SLC35F3: variants seen among roughly 807,000 people sequenced by gnomAD.
SLC35F3 encodes the protein putative thiamine transporter SLC35F3.
In SLC35F3, 25 loss-of-function variants were observed where a neutral mutation model predicts 49.9. The ratio of observed to expected loss-of-function variants is 0.50; its 90% CI spans 0.37 to 0.70. SLC35F3 has a LOEUF of 0.70. SLC35F3 is among the 30% of genes least tolerant of loss of function. The pLI, the probability that SLC35F3 is intolerant of heterozygous loss-of-function variation, is 0.00. For missense variants in SLC35F3, 525 were observed against 639.8 expected (o/e 0.82, Z 1.94); for synonymous variants, 275 against 265.4 (o/e 1.04, Z -0.35).
chr1:234,298,834 G>A (rs1668646940), intron 3 of SLC35F3, among the ~76,000 whole-genome samples: 1 of 152,166 alleles, frequency 6.6e-6, no homozygotes. Flanking sequence ...ATAAAAGTTG[G>A]AGAAAATACT....
Position 234,214,751 on chromosome 1 carries a change from C to A in SLC35F3, c.284-16666C>A. 2 of 803,696 alleles carry A rather than the reference C, an allele frequency of 2.5e-6. No individual in the cohort carries two copies. Among genetic ancestry groups the A allele is most frequent in the Non-Finnish European group, 3.6e-6 (2 of 559,548 alleles). 49.8% of individuals were successfully genotyped at this position (803,696 alleles called of 1,614,324 possible). ...TGGGGGGATCTGGCAGCTTCAGGGG[C>A]TGCCCTGAGCTCCCTGGCGAGCAGG... On this transcript the variant is annotated intron_variant, in intron 2 of 7. Coordinates refer to ENST00000366618, the MANE Select transcript of SLC35F3 (RefSeq NM_173508.4). The surrounding 1 kb of genome is among the most constrained non-coding windows in gnomAD (Gnocchi z 8.0).
chr1:234,120,424 C>G (rs1665552834), intron 2 of SLC35F3, among the ~76,000 whole-genome samples: 1 of 152,214 alleles, frequency 6.6e-6, no homozygotes, highest in African/African-American at 2.4e-5. Context: ...AGAAACCGTG[C>G]TCAGCATGTC....
At chr1:233,958,720 A>G (rs190405843) in intron 2 of SLC35F3, among the ~76,000 whole-genome samples, 2 of 152,248 alleles carry the variant, frequency 1.3e-5, no homozygotes, top group Admixed American at 6.5e-5. Context: ...GTGGATAGCT[A>G]TACCACAGGA....
chr1:233,977,320 C>T (rs1210927596), intron 2 of SLC35F3, among the ~76,000 whole-genome samples: 3 of 152,206 alleles, frequency 2.0e-5, no homozygotes, highest in Non-Finnish European at 4.4e-5. Flanking sequence ...CCTCCATATG[C>T]TTATGGGATT....
rs1342376126 is a variant in SLC35F3 at position 234,231,009 on chromosome 1, T to G, written c.284-408T>G. The stretch of plus-strand genomic sequence containing the variant: ...CAGGAGCACGTGAGTACTCGTCAAC[T>G]GACATAAATGAGAGTGGAGATATTT... On this transcript the variant is annotated intron_variant, in intron 2 of 7. Coordinates refer to ENST00000366618, the MANE Select transcript of SLC35F3 (RefSeq NM_173508.4). This position sits in a 1 kb window ranked among gnomAD's most constrained non-coding sequence, Gnocchi z 5.4. Among the ~76,000 whole-genome samples the G allele has an allele frequency of 6.6e-6, 1 of 152,122 alleles. No individual in the cohort carries two copies. The highest frequency in any genetic ancestry group is 1.5e-5 in the Non-Finnish European group (1 of 68,024).
At chr1:234,121,053 A>G (rs373100672) in intron 2 of SLC35F3, among the ~76,000 whole-genome samples, 4 of 152,182 alleles carry the variant, frequency 2.6e-5, no homozygotes, top group South Asian at 4.2e-4. Flanking sequence ...CAACTCTTCA[A>G]TAGAAAAAAA....
intron 2 of SLC35F3, among the ~76,000 whole-genome samples, chr1:234,180,961 CG>C (rs1334130643): frequency 6.6e-6 from 1 of 152,140 alleles, no homozygotes; most frequent in Non-Finnish European, 1.5e-5. Context: ...TACCACCATC[CG>C]TTCCCTCTTC....
At chr1:233,905,243 G>A (rs1661753104) in intron 1 of SLC35F3, 113 bp downstream of exon 1, 1 of 1,169,584 alleles carries the variant, frequency 8.6e-7, no homozygotes, top group South Asian at 1.4e-5. Flanking sequence ...GAAGGGCGGC[G>A]CGCGCGGTGG....
intron 2 of SLC35F3, among the ~76,000 whole-genome samples, chr1:234,051,378 G>A (rs569210865): frequency 7.6e-4 from 116 of 152,200 alleles, no homozygotes; most frequent in African/African-American, 2.6e-3. Flanking sequence ...TGGATTCCTA[G>A]GTATTTTATT....
intron 2 of SLC35F3, among the ~76,000 whole-genome samples, chr1:234,087,029 C>T (rs1057226425): frequency 6.6e-6 from 1 of 152,210 alleles, no homozygotes; most frequent in African/African-American, 2.4e-5. Flanking sequence ...GAGCTATAAA[C>T]CTGACATGAC....
At position 234,051,449 on chromosome 1, in the gene SLC35F3, T is replaced by C. The variant is rs141729069; in HGVS notation, c.283+145691T>C. 2.3e-3 allele frequency among the ~76,000 whole-genome samples: 345 copies of C among 152,326 alleles called. 3 individuals are homozygous for C. Among genetic ancestry groups the C allele is most frequent in the African/African-American group, 7.8e-3 (326 of 41,578 alleles). ...GATTTGGCTCTCTGTTTGTCTGTTA[T>C]TGGTGTATAGGAATGCTTGTGATTT... On this transcript the variant is annotated intron_variant, in intron 2 of 7. Transcript: ENST00000366618.
chr1:234,225,069 T>C (rs546024441), intron 2 of SLC35F3, among the ~76,000 whole-genome samples: 57 of 152,356 alleles, frequency 3.7e-4, no homozygotes, highest in African/African-American at 1.3e-3. Context: ...GGAATCCATA[T>C]GGATGATCTG....
chr1:234,177,971 A>G lies in SLC35F3; in HGVS notation c.284-53446A>G, dbSNP rs371307034. The stretch of plus-strand genomic sequence containing the variant: ...CGCCAAACAAGAACATCAGCTCATC[A>G]TTGCTTTATAATCACTTGAGCGCAT... On this transcript the variant is annotated intron_variant, in intron 2 of 7. Transcript: ENST00000366618. 2.0e-4 allele frequency among the ~76,000 whole-genome samples: 31 copies of G among 152,288 alleles called. 1 individual carries two copies. The South Asian group carries it at 6.2e-3, about 31-fold the overall frequency.
chr1:234,272,162 C>A (rs1044804026), intron 3 of SLC35F3, among the ~76,000 whole-genome samples: 1 of 152,120 alleles, frequency 6.6e-6, no homozygotes, highest in Non-Finnish European at 1.5e-5. Context: ...AGACAACAGG[C>A]AGAGAATGAT....
chr1:234,058,646 C>T (rs1382518864), intron 2 of SLC35F3, among the ~76,000 whole-genome samples: 3 of 152,092 alleles, frequency 2.0e-5, no homozygotes, highest in African/African-American at 7.2e-5. Context: ...TGCCCAGTCC[C>T]TGGATTTTGT....
At chr1:233,997,953 T>G (rs1422531484) in intron 2 of SLC35F3, among the ~76,000 whole-genome samples, 1 of 152,118 alleles carries the variant, frequency 6.6e-6, no homozygotes, top group Non-Finnish European at 1.5e-5. Flanking sequence ...GGTTTCACCA[T>G]GTTGGTCAGG....
intron 2 of SLC35F3, among the ~76,000 whole-genome samples, chr1:234,087,442 C>T (rs1445359374): frequency 6.6e-6 from 1 of 152,194 alleles, no homozygotes; most frequent in Non-Finnish European, 1.5e-5. Context: ...CAGAGGGGCA[C>T]AGAACTGCCC....
intron 2 of SLC35F3, among the ~76,000 whole-genome samples, chr1:234,152,974 A>T (rs962942791): frequency 3.3e-5 from 5 of 152,186 alleles, no homozygotes; most frequent in African/African-American, 1.2e-4. Context: ...TTCTCTAATG[A>T]CCAGTGATGA....
intron 2 of SLC35F3, among the ~76,000 whole-genome samples, chr1:234,072,664 C>A (rs1320558006): frequency 3.9e-5 from 6 of 151,990 alleles, no homozygotes; most frequent in Non-Finnish European, 5.9e-5. Flanking sequence ...GAACGGTGTT[C>A]CAGGCAGAAA....
Sources: allele counts gnomAD v4.1 joint callset (sites outside exome capture counted in the v4.1 genomes callset), GRCh38; gene constraint gnomAD v4.1.1; non-coding constraint Gnocchi (gnomAD v3.1); transcripts MANE v1.5; gene names NCBI Gene and HGNC (gene_info 2026-07-23, HGNC 2026-07-21).